Variants in EGR1 observed in about 807,000 individuals in gnomAD.
EGR1 encodes the protein early growth response protein 1.
A neutral mutation model predicts 30.2 loss-of-function variants in EGR1; 8 were observed. The observed-to-expected ratio is 0.26, with a 90% CI of 0.16 to 0.48. The LOEUF (loss-of-function observed/expected upper bound fraction) is 0.48. Ranked by LOEUF, EGR1 falls within the 20% of genes least tolerant of loss-of-function variation. The pLI, the probability that EGR1 is intolerant of heterozygous loss-of-function variation, is 0.99. For synonymous variants in EGR1, 334 were observed against 312.8 expected (o/e 1.07, Z -0.72); for missense variants, 568 against 732.3 (o/e 0.78, Z 2.59).
rs199735825 is a variant in EGR1, at chr5:138,465,724, C to A, written c.-38C>A. 8 of 1,533,446 alleles carry A rather than the reference C, an allele frequency of 5.2e-6. No individual in the cohort carries two copies. The highest frequency in any genetic ancestry group is 5.1e-5 in the South Asian group (4 of 78,852). The allele number at this position is 1,533,446 out of a possible 1,614,324, so 95.0% of individuals were successfully genotyped here. ...CAGCTCCAGCCCCGGGCTGCACCCC[C>A]CCGCCCCGACACCAGCTCTCCAGCC... On this transcript the variant is annotated 5_prime_UTR_variant, in exon 1 of 2. Transcript: ENST00000239938.
rs773461593 is a variant in EGR1 at position 138,466,005 on chromosome 5, A to T, written c.244A>T (p.Ser82Cys). 1 of 1,608,838 alleles carries T rather than the reference A, an allele frequency of 6.2e-7. No homozygotes were observed. Among genetic ancestry groups the T allele is most frequent in the East Asian group, 2.2e-5 (1 of 44,776 alleles). ...CGGGGGCGGCAGCAACAGCAGCAGC[A>T]GCAGCAGCACCTTCAACCCTCAGGC... is the stretch of plus-strand genomic sequence containing the variant. The part of the protein sequence containing the change: ...GGGGGSNSSS[S>C]SSTFNPQADT... The change falls in exon 1 of 2, where the codon AGC (serine) becomes TGC (cysteine). Residue 82 changes from serine (S) to cysteine (C), a missense_variant. Physicochemically the swap from Ser to Cys is moderately radical, Grantham distance 112. Transcript: ENST00000239938.
chr5:138,467,096 T>A lies in EGR1; in HGVS notation c.647T>A (p.Ile216Asn). 1 of 1,613,816 alleles carries A rather than the reference T, an allele frequency of 6.2e-7. No homozygotes were observed. The highest frequency in any genetic ancestry group is 1.1e-5 in the South Asian group (1 of 91,076). ...ACCTTCCCCACGCCGAACACTGACA[T>A]TTTCCCTGAGCCACAAAGCCAGGCC... ...APTFPTPNTDIFPEPQSQAFP... is the reference protein window; with the variant it reads ...APTFPTPNTDNFPEPQSQAFP... The change falls in exon 2 of 2, where the codon ATT becomes AAT. Residue 216 changes from isoleucine (I) to asparagine (N), a missense_variant. Ile to Asn is a moderately radical substitution (Grantham distance 149, BLOSUM62 -3). Around this residue, in one of 4 missense-constraint regions of EGR1, gnomAD observed 415 missense variants for 445.2 expected, o/e 0.93. Transcript: ENST00000239938. This position sits in a 1 kb window ranked among gnomAD's most constrained non-coding sequence, Gnocchi z 8.3.
chr5:138,467,801 C>T lies in EGR1; in HGVS notation c.1352C>T (p.Pro451Leu), dbSNP rs1376911505. 6 of 1,613,020 alleles carry T rather than the reference C, an allele frequency of 3.7e-6. No homozygotes were observed. In the Admixed American group the frequency reaches 6.7e-5, roughly 18 times the overall value. Residue 451 changes from proline (P) to leucine (L), a missense_variant, in exon 2 of 2, where the codon CCG (proline) becomes CTG (leucine). Coordinates refer to ENST00000239938, the MANE Select transcript of EGR1 (RefSeq NM_001964.3). The surrounding 1 kb of genome is among the most constrained non-coding windows in gnomAD (Gnocchi z 8.3). ...SYPSPVATSY[P>L]SPVTTSYPSP... ...CCGTCCCCGGTTGCTACCTCTTACCCGTCCCCGGTTACTACCTCTTATCCA... is the reference window on the plus strand; with the variant it reads ...CCGTCCCCGGTTGCTACCTCTTACCTGTCCCCGGTTACTACCTCTTATCCA...
chr5:138,468,274 A>T lies in EGR1; in HGVS notation c.*193A>T. 2 of 1,258,378 alleles carry T rather than the reference A, an allele frequency of 1.6e-6. No homozygotes were observed. Among genetic ancestry groups the T allele is most frequent in the South Asian group, 2.6e-5 (2 of 77,810 alleles). The allele number at this position is 1,258,378 out of a possible 1,614,324, so 78.0% of individuals were successfully genotyped here. On this transcript the variant is annotated 3_prime_UTR_variant, in exon 2 of 2. Transcript: ENST00000239938. ...CCTTTCTGCCCACTTCCCCTTCCCC[A>T]ATTACTATTCCCTTTGACTTCAGCT... is the stretch of plus-strand genomic sequence containing the variant.
At chr5:138,466,217 C>A in intron 1 of EGR1, 149 bp downstream of exon 1, 1 of 1,315,496 alleles carries the variant, frequency 7.6e-7, no homozygotes, top group Non-Finnish European at 1.0e-6. Context: ...AGAGGGATGC[C>A]AAGGAACCCC....
chr5:138,466,257 G>A (rs893527629), intron 1 of EGR1, among the ~76,000 whole-genome samples, 189 bp downstream of exon 1: 1 of 152,258 alleles, frequency 6.6e-6, no homozygotes, highest in African/African-American at 2.4e-5. Context: ...CTCATCCCTA[G>A]CGGAGCGCAG....
In EGR1 at chr5:138,467,763, T is replaced by C. The variant is rs1249408455; in HGVS notation, c.1314T>C (p.Ser438=). The C allele has an allele frequency of 2.5e-6, 4 of 1,613,822 alleles. No homozygotes were observed. The highest frequency in any genetic ancestry group is 2.7e-5 in the African/African-American group (2 of 74,856). The change falls in exon 2 of 2, where the codon TCT becomes TCC. Residue 438 remains serine (S), a synonymous_variant. Transcript: ENST00000239938. This position sits in a 1 kb window ranked among gnomAD's most constrained non-coding sequence, Gnocchi z 8.3. Reference sequence around the variant, plus strand: ...TTGTGGCCTCTTCGGCCACCTCCTCTCTCTCTTCCTACCCGTCCCCGGTTG... The same window carrying C: ...TTGTGGCCTCTTCGGCCACCTCCTCCCTCTCTTCCTACCCGTCCCCGGTTG... ...KSVVASSATS[S]LSSYPSPVAT... is the part of the protein sequence containing the mutation.
At position 138,467,521 on chromosome 5, in the gene EGR1, C is replaced by T; in HGVS notation, c.1072C>T (p.His358Tyr). 6.2e-7 allele frequency: 1 copy of T among 1,613,640 alleles called. No homozygotes were observed. Among genetic ancestry groups the T allele is most frequent in the Non-Finnish European group, 8.5e-7 (1 of 1,180,036 alleles). Residue 358 changes from histidine (H) to tyrosine (Y), a missense_variant, in exon 2 of 2, where the codon CAC (histidine) becomes TAC (tyrosine). Around this residue, in one of 4 missense-constraint regions of EGR1, gnomAD observed 17 missense variants for 97.8 expected, o/e 0.17. Coordinates refer to ENST00000239938, the MANE Select transcript of EGR1 (RefSeq NM_001964.3). The surrounding 1 kb of genome is among the most constrained non-coding windows in gnomAD (Gnocchi z 8.3). ...RFSRSDELTR[H>Y]IRIHTGQKPF... ...CTCCCGCTCCGACGAGCTCACCCGC[C>T]ACATCCGCATCCACACAGGCCAGAA...
Position 138,467,133 on chromosome 5 carries a change from G to C in EGR1, c.684G>C (p.Ser228=). ...CACAAAGCCAGGCCTTCCCGGGCTCGGCAGGGACAGCGCTCCAGTACCCGC... is the reference window on the plus strand; with the variant it reads ...CACAAAGCCAGGCCTTCCCGGGCTCCGCAGGGACAGCGCTCCAGTACCCGC... ...PEPQSQAFPG[S]AGTALQYPPP... The change falls in exon 2 of 2, where the codon TCG becomes TCC. Residue 228 remains serine (S), a synonymous_variant. Coordinates refer to ENST00000239938, the MANE Select transcript of EGR1 (RefSeq NM_001964.3). This position sits in a 1 kb window ranked among gnomAD's most constrained non-coding sequence, Gnocchi z 8.3. 1 of 1,613,364 alleles carries C rather than the reference G, an allele frequency of 6.2e-7. No homozygotes were observed. The highest frequency in any genetic ancestry group is 1.1e-5 in the South Asian group (1 of 91,060).
Position 138,467,268 on chromosome 5 carries a change from C to A in EGR1, c.819C>A (p.Pro273=), listed in dbSNP as rs750817741. 2.5e-6 allele frequency: 4 copies of A among 1,614,072 alleles called. No individual in the cohort carries two copies. In the South Asian group the frequency reaches 4.4e-5, roughly 18 times the overall value. Residue 273 remains proline (P), a synonymous_variant, in exon 2 of 2, where the codon CCC becomes CCA. Coordinates refer to ENST00000239938, the MANE Select transcript of EGR1 (RefSeq NM_001964.3). This position sits in a 1 kb window ranked among gnomAD's most constrained non-coding sequence, Gnocchi z 8.3. ...DLGLGTPDQK[P]FQGLESRTQQ... ...GCCTGGGCACCCCAGACCAGAAGCC[C>A]TTCCAGGGCCTGGAGAGCCGCACCC...
rs1299769797 is a variant in EGR1, at chr5:138,466,056, C to T, written c.295C>T (p.His99Tyr). The change falls in exon 1 of 2, where the codon CAC becomes TAC. Residue 99 changes from histidine (H) to tyrosine (Y), a missense_variant. Transcript: ENST00000239938. ...GGACACGGGCGAGCAGCCCTACGAGCACCTGACCGCAGGTAAGCAGTGGCC... is the reference window on the plus strand; with the variant it reads ...GGACACGGGCGAGCAGCCCTACGAGTACCTGACCGCAGGTAAGCAGTGGCC... The part of the protein sequence containing the change: ...QADTGEQPYE[H>Y]LTAESFPDIS... 1.3e-6 allele frequency: 2 copies of T among 1,582,364 alleles called. No homozygotes were observed. Among genetic ancestry groups the T allele is most frequent in the South Asian group, 2.3e-5 (2 of 85,180 alleles).
At position 138,465,694 on chromosome 5, in the gene EGR1, C is replaced by A. The variant is rs978180357; in HGVS notation, c.-68C>A. ...CCGGCCAGGCCCCCGCAACTGTGTCCCCTGCAGCTCCAGCCCCGGGCTGCA... is the reference window on the plus strand; with the variant it reads ...CCGGCCAGGCCCCCGCAACTGTGTCACCTGCAGCTCCAGCCCCGGGCTGCA... On this transcript the variant is annotated 5_prime_UTR_variant, in exon 1 of 2. Transcript: ENST00000239938. The A allele has an allele frequency of 3.5e-6, 5 of 1,440,078 alleles. No individual in the cohort carries two copies. Among genetic ancestry groups the A allele is most frequent in the Non-Finnish European group, 4.6e-6 (5 of 1,082,966 alleles). 89.2% of individuals were successfully genotyped at this position (1,440,078 alleles called of 1,614,324 possible).
Position 138,467,496 on chromosome 5 carries a change from C to T in EGR1, c.1047C>T (p.Phe349=). Residue 349 remains phenylalanine (F), a synonymous_variant, in exon 2 of 2, where the codon TTC becomes TTT. Transcript: ENST00000239938. This position sits in a 1 kb window ranked among gnomAD's most constrained non-coding sequence, Gnocchi z 8.3. The part of the protein sequence containing the change: ...ACPVESCDRR[F]SRSDELTRHI... The stretch of plus-strand genomic sequence containing the variant: ...CAGTGGAGTCCTGTGATCGCCGCTT[C>T]TCCCGCTCCGACGAGCTCACCCGCC... 6.2e-7 allele frequency: 1 copy of T among 1,612,534 alleles called. No individual in the cohort carries two copies. Among genetic ancestry groups the T allele is most frequent in the Non-Finnish European group, 8.5e-7 (1 of 1,180,002 alleles).
At position 138,468,225 on chromosome 5, in the gene EGR1, G is replaced by T; in HGVS notation, c.*144G>T. On this transcript the variant is annotated 3_prime_UTR_variant, in exon 2 of 2. Transcript: ENST00000239938. ...AGCCAAGTCCTCCCTCTCTACTGGA[G>T]TGGAAGGTCTATTGGCCAACAATCC... 6.7e-7 allele frequency: 1 copy of T among 1,503,512 alleles called. No individual in the cohort carries two copies. Among genetic ancestry groups the T allele is most frequent in the Non-Finnish European group, 8.9e-7 (1 of 1,118,320 alleles). The allele number at this position is 1,503,512 out of a possible 1,614,324, so 93.1% of individuals were successfully genotyped here.
chr5:138,466,407 G>A (rs1764158870), intron 1 of EGR1, among the ~76,000 whole-genome samples: 1 of 152,240 alleles, frequency 6.6e-6, no homozygotes, highest in South Asian at 2.1e-4. Flanking sequence ...TGTCCCCAAG[G>A]AAGGACCGTG....
chr5:138,465,785 G>A lies in EGR1; in HGVS notation c.24G>A (p.Met8Ile), dbSNP rs202023911. The A allele has an allele frequency of 1.1e-4, 184 of 1,608,446 alleles. No individual in the cohort carries two copies. The highest frequency in any genetic ancestry group is 5.0e-5 in the Admixed American group (3 of 59,620). The change falls in exon 1 of 2, where the codon ATG becomes ATA. Residue 8 changes from methionine (M) to isoleucine (I), a missense_variant. Transcript: ENST00000239938. ...GGATGGCCGCGGCCAAGGCCGAGAT[G>A]CAGCTGATGTCCCCGCTGCAGATCT... MAAAKAE[M>I]QLMSPLQISD...
rs1410009369 is a variant in EGR1, at chr5:138,467,604, C to G, written c.1155C>G (p.Thr385=). 1 of 1,614,066 alleles carries G rather than the reference C, an allele frequency of 6.2e-7. No homozygotes were observed. Among genetic ancestry groups the G allele is most frequent in the Non-Finnish European group, 8.5e-7 (1 of 1,180,036 alleles). The change falls in exon 2 of 2, where the codon ACC becomes ACG. Residue 385 remains threonine, a synonymous_variant. Transcript: ENST00000239938. This position sits in a 1 kb window ranked among gnomAD's most constrained non-coding sequence, Gnocchi z 8.3. ...TCAGCCGCAGCGACCACCTCACCAC[C>G]CACATCCGCACCCACACAGGCGAAA... is the stretch of plus-strand genomic sequence containing the variant. The part of the protein sequence containing the change: ...RNFSRSDHLT[T]HIRTHTGEKP...
At position 138,467,304 on chromosome 5, in the gene EGR1, G is replaced by A. The variant is rs752798429; in HGVS notation, c.855G>A (p.Ser285=). 5.6e-6 allele frequency: 9 copies of A among 1,613,834 alleles called. No homozygotes were observed. The highest frequency in any genetic ancestry group is 6.8e-6 in the Non-Finnish European group (8 of 1,180,012). The change falls in exon 2 of 2, where the codon TCG becomes TCA. Residue 285 remains serine (S), a synonymous_variant. Coordinates refer to ENST00000239938, the MANE Select transcript of EGR1 (RefSeq NM_001964.3). This position sits in a 1 kb window ranked among gnomAD's most constrained non-coding sequence, Gnocchi z 8.3. ...QGLESRTQQP[S]LTPLSTIKAF... is the part of the protein sequence containing the mutation. ...TGGAGAGCCGCACCCAGCAGCCTTC[G>A]CTAACCCCTCTGTCTACTATTAAGG...
At chr5:138,466,521 G>A (rs917319655) in intron 1 of EGR1, among the ~76,000 whole-genome samples, 2 of 152,256 alleles carry the variant, frequency 1.3e-5, no homozygotes. Flanking sequence ...CCGCCGCTGC[G>A]GAGCGCTGCG....
Sources: gnomAD v4.1 joint callset for allele counts (sites outside exome capture counted in the v4.1 genomes callset) on GRCh38, gnomAD v4.1.1 for gene constraint, gnomAD v4.1.1 regional missense constraint, Gnocchi (gnomAD v3.1) non-coding constraint, MANE v1.5 for transcripts, NCBI Gene and HGNC (gene_info 2026-07-23, HGNC 2026-07-21) for gene names.